Variants in TRMT13 observed in about 807,000 individuals in gnomAD.
TRMT13 encodes tRNA methyltransferase 13.
Under a neutral mutation model 55.9 loss-of-function variants are expected in TRMT13, and 45 were observed. The ratio of observed to expected loss-of-function variants is 0.80; its 90% confidence interval spans 0.63 to 1.03. The LOEUF (loss-of-function observed/expected upper bound fraction) is 1.03, where lower values mean the gene tolerates loss of function less well. TRMT13 is among the 50% of genes least tolerant of loss of function. The pLI, the probability that TRMT13 is intolerant of heterozygous loss-of-function variation, is 0.00. For synonymous variants in TRMT13, 183 were observed against 196.3 expected (o/e 0.93, Z 0.57); for missense variants, 513 against 563.9 (o/e 0.91, Z 0.91).
intron 7 of TRMT13, 96 bp from the exon 8 acceptor site, chr1:100,143,041 G>A: frequency 1.4e-6 from 1 of 734,062 alleles, no homozygotes; most frequent in Admixed American, 2.9e-5. Flanking sequence ...ATGTTCTGTT[G>A]CTCTGAATTT....
intron 3 of TRMT13, among the ~76,000 whole-genome samples, chr1:100,137,407 A>G (rs893760003): frequency 6.6e-6 from 1 of 152,116 alleles, no homozygotes; most frequent in African/African-American, 2.4e-5. Context: ...TGTGTTGCCC[A>G]GGCTGGTCTC....
At chr1:100,140,552 T>C in intron 6 of TRMT13, 38 bp downstream of exon 6, 1 of 1,394,322 alleles carries the variant, frequency 7.2e-7, no homozygotes, top group South Asian at 1.2e-5. Context: ...ACATGGCCTT[T>C]GTTCATTTGT....
At position 100,148,136 on chromosome 1, in the gene TRMT13, C is replaced by G. The variant is rs780537932; in HGVS notation, c.1060C>G (p.Leu354Val). The change falls in exon 10 of 11, where the codon CTA (leucine) becomes GTA (valine). Residue 354 changes from leucine (L) to valine (V), a missense_variant. Physicochemically the swap from Leu to Val is conservative, Grantham distance 32. Around this residue, in one of 3 missense-constraint regions of TRMT13, gnomAD observed 209 missense variants for 255.8 expected, o/e 0.82. Transcript: ENST00000370141. ...TGTGGGCAAAGAATATTTCAGGGCTCTAGGCCTTGGAGCAGTGGAATTCCA... is the reference window on the plus strand; with the variant it reads ...TGTGGGCAAAGAATATTTCAGGGCTGTAGGCCTTGGAGCAGTGGAATTCCA... Reference protein sequence around the residue: ...HYVGKEYFRALGLGAVEFHYF... With the variant: ...HYVGKEYFRAVGLGAVEFHYF... 160 of 1,614,066 alleles carry G rather than the reference C, an allele frequency of 9.9e-5. No individual in the cohort carries two copies. The highest frequency in any genetic ancestry group is 1.3e-4 in the Non-Finnish European group (159 of 1,180,026).
At chr1:100,142,648 G>C (rs186259597) in intron 7 of TRMT13, among the ~76,000 whole-genome samples, 3 of 152,332 alleles carry the variant, frequency 2.0e-5, no homozygotes, top group Admixed American at 2.0e-4. Context: ...AATGTGTCCA[G>C]TTTGCTGGTG....
At chr1:100,145,092 G>T (rs974384046) in intron 9 of TRMT13, among the ~76,000 whole-genome samples, 6 of 152,226 alleles carry the variant, frequency 3.9e-5, no homozygotes, top group Non-Finnish European at 5.9e-5. Context: ...TTGTGTTACA[G>T]TTGCCTACAG....
At position 100,136,887 on chromosome 1, in the gene TRMT13, A is replaced by T. The variant is rs1374721902; in HGVS notation, c.153A>T (p.Glu51Asp). The T allele has an allele frequency of 1.3e-6, 2 of 1,597,606 alleles. No homozygotes were observed. Among genetic ancestry groups the T allele is most frequent in the Non-Finnish European group, 1.7e-6 (2 of 1,174,476 alleles). ...CGEHAGAAEE[E>D]DARKRILCPL... is the part of the protein sequence containing the mutation. ...TGTATCTCTTAATTTATTAGGAAGAAGATGCTCGGAAAAGAATCCTGTGTC... is the reference window on the plus strand; with the variant it reads ...TGTATCTCTTAATTTATTAGGAAGATGATGCTCGGAAAAGAATCCTGTGTC... Residue 51 changes from glutamate to aspartate, a missense_variant, in exon 2 of 11, where the codon GAA becomes GAT. Transcript: ENST00000370141.
intron 4 of TRMT13, 53 bp downstream of exon 4, chr1:100,139,764 C>A: frequency 2.6e-6 from 3 of 1,140,318 alleles, no homozygotes; most frequent in South Asian, 2.9e-5. Flanking sequence ...AAGCTCTCTT[C>A]ATGATGTGAA....
At position 100,148,854 on chromosome 1, in the gene TRMT13, C is replaced by T; in HGVS notation, c.*34C>T. The T allele has an allele frequency of 1.5e-6, 2 of 1,323,964 alleles. 1 individual carries two copies. Among genetic ancestry groups the T allele is most frequent in the Non-Finnish European group, 2.0e-6 (2 of 1,022,908 alleles). 82.0% of individuals were successfully genotyped at this position (1,323,964 alleles called of 1,614,324 possible). A position where few individuals can be genotyped will look rare whatever the true frequency, so the allele number is the denominator to read the frequency against. ...AAATTTGAGCATCATCTGTCTTCCACCAAAAAAAATTTTTTAATTATATTT... is the reference window on the plus strand; with the variant it reads ...AAATTTGAGCATCATCTGTCTTCCATCAAAAAAAATTTTTTAATTATATTT... On this transcript the variant is annotated 3_prime_UTR_variant, in exon 11 of 11. Coordinates refer to ENST00000370141, the MANE Select transcript of TRMT13 (RefSeq NM_019083.3).
At position 100,148,029 on chromosome 1, in the gene TRMT13, A is replaced by T; in HGVS notation, c.953A>T (p.Lys318Ile). The T allele has an allele frequency of 6.2e-7, 1 of 1,614,196 alleles. No homozygotes were observed. The highest frequency in any genetic ancestry group is 8.5e-7 in the Non-Finnish European group (1 of 1,180,036). ...ACTTTGGCCAAGGAAGGAAATGAAAAAAATGTCCCAGAGAAGTGGAACCCT... is the reference window on the plus strand; with the variant it reads ...ACTTTGGCCAAGGAAGGAAATGAAATAAATGTCCCAGAGAAGTGGAACCCT... Reference protein sequence around the residue: ...IYTLAKEGNEKNVPEKWNPVA... With the variant: ...IYTLAKEGNEINVPEKWNPVA... Residue 318 changes from lysine (K) to isoleucine (I), a missense_variant, in exon 10 of 11, where the codon AAA becomes ATA. By Grantham distance (102) the Lys-to-Ile change is moderately radical. This residue lies in a region of TRMT13 where 209 missense variants were observed against 255.8 expected (regional missense o/e 0.82). Transcript: ENST00000370141.
chr1:100,140,880 T>C lies in TRMT13; in HGVS notation c.530T>C (p.Leu177Ser). The stretch of plus-strand genomic sequence containing the variant: ...TCTATTTTAGGTAACATTGAAAATT[T>C]AAAGTTACTTGGTCCAAGAAGATGC... ...QASILGNIEN[L>S]KLLGPRRCFV... The change falls in exon 7 of 11, where the codon TTA becomes TCA. Residue 177 changes from leucine (L) to serine (S), a missense_variant. Leu to Ser is a moderately radical substitution (Grantham distance 145). Coordinates refer to ENST00000370141, the MANE Select transcript of TRMT13 (RefSeq NM_019083.3). 6.2e-7 allele frequency: 1 copy of C among 1,613,360 alleles called. No individual in the cohort carries two copies. The highest frequency in any genetic ancestry group is 1.1e-5 in the South Asian group (1 of 90,992).
chr1:100,149,634 G>A lies in TRMT13; in HGVS notation c.*814G>A. 11 of 403,018 alleles carry A rather than the reference G, an allele frequency of 2.7e-5. No individual in the cohort carries two copies. The highest frequency in any genetic ancestry group is 8.6e-5 in the South Asian group (2 of 23,312). 25.0% of individuals were successfully genotyped at this position (403,018 alleles called of 1,614,324 possible). ...CAATAAGTATGTTCTCTTCTGTTTG[G>A]GAAAATAATTTGGAATAAAATAGAA... is the stretch of plus-strand genomic sequence containing the variant. On this transcript the variant is annotated 3_prime_UTR_variant, in exon 11 of 11. Transcript: ENST00000370141.
At position 100,140,946 on chromosome 1, in the gene TRMT13, G is replaced by C. The variant is rs1240573888; in HGVS notation, c.596G>C (p.Trp199Ser). 6.2e-7 allele frequency: 1 copy of C among 1,613,650 alleles called. No homozygotes were observed. The highest frequency in any genetic ancestry group is 8.5e-7 in the Non-Finnish European group (1 of 1,179,846). Residue 199 changes from tryptophan (W) to serine (S), a missense_variant, in exon 7 of 11, where the codon TGG becomes TCG. Trp to Ser is a radical substitution (Grantham distance 177). This residue lies in a region of TRMT13 where 298 missense variants were observed against 290.3 expected (regional missense o/e 1.03). Coordinates refer to ENST00000370141, the MANE Select transcript of TRMT13 (RefSeq NM_019083.3). ...FGAGKGKLSH[W>S]VDIALKDAEK... is the part of the protein sequence containing the mutation. ...GCGGGAAAGGGAAAATTATCTCATT[G>C]GGTTGATATTGCCTTAAAAGATGCT...
At chr1:100,136,725 T>TA (rs1655926656) in intron 1 of TRMT13, among the ~76,000 whole-genome samples, 157 bp from the exon 2 acceptor site, 1 of 152,234 alleles carries the variant, frequency 6.6e-6, no homozygotes, top group Admixed American at 6.5e-5. Flanking sequence ...GAGTTTTTGT[T>TA]AAACCCTTGG....
chr1:100,140,457 C>G lies in TRMT13; in HGVS notation c.444C>G (p.His148Gln), dbSNP rs370753617. 2.5e-6 allele frequency: 4 copies of G among 1,614,016 alleles called. No individual in the cohort carries two copies. Among genetic ancestry groups the G allele is most frequent in the Non-Finnish European group, 3.4e-6 (4 of 1,179,946 alleles). The part of the protein sequence containing the change: ...KDHIMSHPAL[H>Q]DALNDPKNGD... ...ATATTATGTCCCATCCAGCATTACACGATGCACTTAATGACCCTAAAAATG... is the reference window on the plus strand; with the variant it reads ...ATATTATGTCCCATCCAGCATTACAGGATGCACTTAATGACCCTAAAAATG... The change falls in exon 6 of 11, where the codon CAC becomes CAG. Residue 148 changes from histidine (H) to glutamine (Q), a missense_variant. His to Gln is a conservative substitution (Grantham distance 24). Coordinates refer to ENST00000370141, the MANE Select transcript of TRMT13 (RefSeq NM_019083.3).
intron 3 of TRMT13, among the ~76,000 whole-genome samples, chr1:100,139,053 G>A (rs1323393873): frequency 3.3e-5 from 5 of 152,152 alleles, no homozygotes; most frequent in Non-Finnish European, 5.9e-5. Flanking sequence ...TTCTGCCTTG[G>A]CCTCCCAAAG....
intron 8 of TRMT13, among the ~76,000 whole-genome samples, chr1:100,143,678 C>CACACAG (rs1436937941): frequency 6.6e-6 from 1 of 152,116 alleles, no homozygotes; most frequent in Non-Finnish European, 1.5e-5. Flanking sequence ...ACACAAAACA[C>CACACAG]ACACAGACAC....
At chr1:100,143,821 T>A (rs986618685) in intron 8 of TRMT13, among the ~76,000 whole-genome samples, 5 of 152,120 alleles carry the variant, frequency 3.3e-5, no homozygotes, top group African/African-American at 1.2e-4. Context: ...AATCCAGCCA[T>A]GAAAAGCAAC....
intron 8 of TRMT13, among the ~76,000 whole-genome samples, chr1:100,143,770 A>G (rs1233157010): frequency 6.6e-6 from 1 of 152,174 alleles, no homozygotes; most frequent in Non-Finnish European, 1.5e-5. Flanking sequence ...AAAGAAAATA[A>G]TGCAAACATA....
At position 100,139,651 on chromosome 1, in the gene TRMT13, T is replaced by C; in HGVS notation, c.264T>C (p.Asp88=). The C allele has an allele frequency of 6.5e-7, 1 of 1,535,434 alleles. No individual in the cohort carries two copies. The highest frequency in any genetic ancestry group is 1.1e-5 in the South Asian group (1 of 88,550). ...TTTATGGTTTTGTTTTTGTTAAGGA[T>C]TTCTATATTCAAGATATTAATGCAG... ...KCNSREKPKP[D]FYIQDINAGL... Residue 88 remains aspartate, a splice_region_variant and synonymous_variant, in exon 4 of 11, where the codon GAT becomes GAC. Transcript: ENST00000370141.
Sources: gnomAD v4.1 joint callset for allele counts (sites outside exome capture counted in the v4.1 genomes callset) on GRCh38, gnomAD v4.1.1 for gene constraint, gnomAD v4.1.1 regional missense constraint, MANE v1.5 for transcripts, NCBI Gene and HGNC (gene_info 2026-07-23, HGNC 2026-07-21) for gene names.